The following NXN variants were observed in gnomAD, a reference collection of about 807,000 sequenced individuals.
The protein encoded by NXN is nucleoredoxin 1.
A neutral mutation model predicts 48.6 loss-of-function variants in NXN; 16 were observed. The observed-to-expected ratio is 0.33, with a 90% CI of 0.22 to 0.50. The LOEUF is 0.50. Among genes scored for constraint, NXN ranks in the 20% least tolerant of loss-of-function variants. NXN has a pLI of 0.98. For missense variants in NXN, 492 were observed against 605.5 expected (o/e 0.81, Z 1.97); for synonymous variants, 281 against 269.6 (o/e 1.04, Z -0.41).
intron 1 of NXN, among the ~76,000 whole-genome samples, chr17:893,558 CTCAA>C (rs1297487026): frequency 1.8e-4 from 27 of 152,038 alleles, no homozygotes; most frequent in Non-Finnish European, 3.7e-4. Context: ...GAGGAAGCAT[CTCAA>C]CCTCCGGAAG....
In NXN at chr17:830,634, ATCG is replaced by A. The variant is rs1460469772; in HGVS notation, c.361-4559_361-4557del. ...GATCATCATAAGATTTGTGAACCAC[ATCG>A]TCAAGGCCCCGTGGACGACAGCAAA... On this transcript the variant is annotated intron_variant, in intron 1 of 7. Transcript: ENST00000336868. The surrounding 1 kb of genome is among the most constrained non-coding windows in gnomAD (Gnocchi z 4.2). Among the ~76,000 whole-genome samples, 1 of 152,180 alleles carries A rather than the reference ATCG, an allele frequency of 6.6e-6. No homozygotes were observed. Among genetic ancestry groups the A allele is most frequent in the Non-Finnish European group, 1.5e-5 (1 of 68,034 alleles).
At chr17:977,113 A>G (rs1231837770) in intron 1 of NXN, among the ~76,000 whole-genome samples, 2 of 152,176 alleles carry the variant, frequency 1.3e-5, no homozygotes. Context: ...TTCCAAGAGT[A>G]TGTGTTCCAT....
chr17:931,463 AC>A (rs1405366206), intron 1 of NXN, among the ~76,000 whole-genome samples: 2 of 150,148 alleles, frequency 1.3e-5, no homozygotes, highest in Non-Finnish European at 3.0e-5. Context: ...AAAAAAAAAA[AC>A]AAGAAAGATA....
At chr17:848,717 C>T (rs1014719319) in intron 1 of NXN, among the ~76,000 whole-genome samples, 1 of 152,212 alleles carries the variant, frequency 6.6e-6, no homozygotes, top group East Asian at 1.9e-4. Context: ...ACACAGGCAG[C>T]TTGCCTCCTG....
chr17:823,116 G>C (rs1009228532), intron 3 of NXN, among the ~76,000 whole-genome samples: 4 of 134,020 alleles, frequency 3.0e-5, no homozygotes, highest in African/African-American at 1.1e-4. Context: ...AAAAAAAAGG[G>C]GGCCAGGCAC....
In NXN at chr17:916,077, A is replaced by G. The variant is rs567881452; in HGVS notation, c.360+63242T>C. Among the ~76,000 whole-genome samples the G allele has an allele frequency of 2.0e-5, 3 of 152,358 alleles. No homozygotes were observed. In the South Asian group the frequency reaches 6.2e-4, roughly 32 times the overall value. ...GGCTGCCAAGCCATTGTTCTACTCAAATGTCGAATGAAAAGGGAGAAACAG... is the reference window on the plus strand; with the variant it reads ...GGCTGCCAAGCCATTGTTCTACTCAGATGTCGAATGAAAAGGGAGAAACAG... On this transcript the variant is annotated intron_variant, in intron 1 of 7. Transcript: ENST00000336868.
At chr17:961,346 T>C (rs1016628506) in intron 1 of NXN, among the ~76,000 whole-genome samples, 10 of 151,546 alleles carry the variant, frequency 6.6e-5, no homozygotes, top group South Asian at 2.1e-4. Flanking sequence ...GATCATGCCA[T>C]TGCACTCCAG....
At chr17:929,071 A>T (rs1157765467) in intron 1 of NXN, among the ~76,000 whole-genome samples, 1 of 152,228 alleles carries the variant, frequency 6.6e-6, no homozygotes, top group East Asian at 1.9e-4. Flanking sequence ...ATGTCAAGAA[A>T]AATTTTAACT....
intron 1 of NXN, among the ~76,000 whole-genome samples, chr17:975,799 C>G (rs1428547651): frequency 1.3e-5 from 2 of 152,308 alleles, no homozygotes; most frequent in African/African-American, 4.8e-5. Flanking sequence ...GGAGACGGAC[C>G]TCTCCAGTCT....
intron 5 of NXN, among the ~76,000 whole-genome samples, chr17:810,074 G>A (rs1173990124): frequency 1.6e-5 from 2 of 127,638 alleles, no homozygotes; most frequent in Admixed American, 8.1e-5. Context: ...TGTGAGTGGC[G>A]TGCACGTTAC....
Position 822,406 on chromosome 17 carries a change from T to A in NXN, c.664A>T (p.Ile222Phe). 1 of 1,614,052 alleles carries A rather than the reference T, an allele frequency of 6.2e-7. No individual in the cohort carries two copies. Among genetic ancestry groups the A allele is most frequent in the Non-Finnish European group, 8.5e-7 (1 of 1,179,982 alleles). The change falls in exon 4 of 8, where the codon ATC becomes TTC. Residue 222 changes from isoleucine (I) to phenylalanine (F), a missense_variant. Physicochemically the swap from Ile to Phe is conservative, Grantham distance 21. Around this residue, in one of 3 missense-constraint regions of NXN, gnomAD observed 303 missense variants for 388.3 expected, o/e 0.78. Coordinates refer to ENST00000336868, the MANE Select transcript of NXN (RefSeq NM_022463.5). ...TRVLVESYRKIKEAGQNFEII... is the reference protein window; with the variant it reads ...TRVLVESYRKFKEAGQNFEII... ...TCGAAGTTCTGGCCTGCCTCCTTGA[T>A]CTTCCGGTAGGATTCCACCAGGACC...
rs751889450 is a variant in NXN at position 849,470 on chromosome 17, T to C, written c.361-23392A>G. Among the ~76,000 whole-genome samples, 6 of 151,714 alleles carry C rather than the reference T, an allele frequency of 4.0e-5. No homozygotes were observed. The highest frequency in any genetic ancestry group is 7.4e-5 in the Non-Finnish European group (5 of 67,950). Reference sequence around the variant, plus strand: ...ATTGCTTGAACCTGGGAGGCGGAGGTTGCAGTGAGCTGAGATCGCACCACT... The same window carrying C: ...ATTGCTTGAACCTGGGAGGCGGAGGCTGCAGTGAGCTGAGATCGCACCACT... On this transcript the variant is annotated intron_variant, in intron 1 of 7. Coordinates refer to ENST00000336868, the MANE Select transcript of NXN (RefSeq NM_022463.5). The surrounding 1 kb of genome is among the most constrained non-coding windows in gnomAD (Gnocchi z 4.2).
intron 5 of NXN, among the ~76,000 whole-genome samples, chr17:812,926 G>GTGTGTGAGTGTGCATA (rs1567813056): frequency 2.0e-5 from 3 of 150,872 alleles, no homozygotes; most frequent in South Asian, 2.1e-4. Flanking sequence ...AGGTGTGTGC[G>GTGTGTGAGTGTGCATA]TGTGTGAGTG....
intron 1 of NXN, among the ~76,000 whole-genome samples, chr17:879,472 A>G (rs1282901695): frequency 1.3e-5 from 2 of 151,770 alleles, no homozygotes; most frequent in African/African-American, 4.8e-5. Flanking sequence ...TTTTTAGTAG[A>G]GACGGGGTCT....
chr17:950,790 C>T (rs1038682547), intron 1 of NXN, among the ~76,000 whole-genome samples: 17 of 151,796 alleles, frequency 1.1e-4, no homozygotes, highest in African/African-American at 3.6e-4. Flanking sequence ...CAACACTGTT[C>T]CCAAGATGTT....
chr17:944,343 T>C (rs994021390), intron 1 of NXN, among the ~76,000 whole-genome samples: 2 of 152,236 alleles, frequency 1.3e-5, no homozygotes, highest in African/African-American at 4.8e-5. Flanking sequence ...GTCTCGTCCA[T>C]ATTGGCCCCA....
intron 1 of NXN, among the ~76,000 whole-genome samples, chr17:843,034 AAGAAAG>A (rs1380973830): frequency 7.4e-4 from 107 of 144,448 alleles, no homozygotes; most frequent in East Asian, 6.0e-3. Flanking sequence ...GAAAGAAAGA[AAGAAAG>A]AAAGAAAGAA....
chr17:897,042 G>C, intron 1 of NXN: 2 of 1,083,024 alleles, frequency 1.8e-6, no homozygotes, highest in Non-Finnish European at 2.3e-6. Flanking sequence ...TAACAACAGC[G>C]TCACTGTCAC....
intron 1 of NXN, among the ~76,000 whole-genome samples, chr17:875,541 G>C: frequency 6.6e-6 from 1 of 152,082 alleles, no homozygotes; most frequent in East Asian, 1.9e-4. Context: ...AAGAGCAGAA[G>C]ATCGAATCAG....
Sources: gnomAD v4.1 joint callset for allele counts (sites outside exome capture counted in the v4.1 genomes callset) on GRCh38, gnomAD v4.1.1 for gene constraint, gnomAD v4.1.1 regional missense constraint, Gnocchi (gnomAD v3.1) non-coding constraint, MANE v1.5 for transcripts, NCBI Gene and HGNC (gene_info 2026-07-23, HGNC 2026-07-21) for gene names.